KLF12: variants seen among roughly 807,000 people sequenced by gnomAD.
KLF12 encodes the protein Krueppel-like factor 12.
In KLF12, 9 loss-of-function variants were observed where a neutral mutation model predicts 37.8. That is an observed-to-expected ratio of 0.24 (90% CI 0.14 to 0.42). The LOEUF is 0.42. Among genes scored for constraint, KLF12 ranks in the 10% least tolerant of loss-of-function variants. The pLI is 1.00. For synonymous variants in KLF12, 208 were observed against 202.1 expected, an observed-to-expected ratio of 1.03 and a Z score of -0.25; for missense variants, 411 against 516.0, an observed-to-expected ratio of 0.80 and a Z score of 1.97.
chr13:74,206,543 C>A, the KLF12 span, among the ~76,000 whole-genome samples: 1 of 152,084 alleles, frequency 6.6e-6, no homozygotes, highest in Admixed American at 6.6e-5. Flanking sequence ...CCATCCACCC[C>A]CAGGAAATTG....
At chr13:74,238,701 C>A in the KLF12 span, among the ~76,000 whole-genome samples, 3 of 150,632 alleles carry the variant, frequency 2.0e-5, no homozygotes, top group Admixed American at 1.3e-4. Flanking sequence ...TTATCCATTT[C>A]TTCTAGATTT....
At chr13:74,135,929 C>T (rs1878540253), upstream of KLF12, among the ~76,000 whole-genome samples, 2 of 152,152 alleles carry the variant, frequency 1.3e-5, no homozygotes, top group South Asian at 2.1e-4. Context: ...ACTTCAGGCG[C>T]GGTGTGCGTT....
At chr13:74,062,508 C>T (rs1436141089) in intron 1 of KLF12, among the ~76,000 whole-genome samples, 2 of 151,384 alleles carry the variant, frequency 1.3e-5, no homozygotes, top group Admixed American at 6.6e-5. Flanking sequence ...CATAGTCAGA[C>T]AATTAAAATG....
At chr13:73,853,491 C>T (rs1033021865) in intron 3 of KLF12, among the ~76,000 whole-genome samples, 1 of 152,086 alleles carries the variant, frequency 6.6e-6, no homozygotes, top group African/African-American at 2.4e-5. Context: ...ACCTGTAATC[C>T]TAGCCAAGGC....
intron 3 of KLF12, among the ~76,000 whole-genome samples, chr13:73,936,149 T>G (rs988926146): frequency 1.3e-5 from 2 of 152,338 alleles, no homozygotes; most frequent in African/African-American, 4.8e-5. Flanking sequence ...TTCCTGCTTC[T>G]TTGTACATCT....
intron 7 of KLF12, among the ~76,000 whole-genome samples, chr13:73,709,689 G>A (rs893250638): frequency 6.6e-6 from 1 of 152,140 alleles, no homozygotes; most frequent in African/African-American, 2.4e-5. Flanking sequence ...CTATCTCTCT[G>A]CTAAGTGGAT....
intron 1 of KLF12, among the ~76,000 whole-genome samples, chr13:74,023,358 T>C (rs1294902656): frequency 1.3e-5 from 2 of 152,236 alleles, no homozygotes; most frequent in African/African-American, 4.8e-5. Flanking sequence ...CTCTACTTAT[T>C]GGCAGGTGTA....
At chr13:74,283,665 C>T in the KLF12 span, among the ~76,000 whole-genome samples, 2,539 of 152,242 alleles carry the variant, frequency 0.017, 68 homozygotes, top group African/African-American at 0.055. Flanking sequence ...ACTTTCAGTA[C>T]TCTCAGCCCT....
intron 3 of KLF12, among the ~76,000 whole-genome samples, chr13:73,937,059 A>G (rs1304893806): frequency 2.0e-5 from 3 of 152,138 alleles, no homozygotes; most frequent in Admixed American, 2.0e-4. Context: ...GCATGGTGGC[A>G]TGTACTTATA....
At chr13:74,083,609 A>C (rs1159506050) in intron 1 of KLF12, among the ~76,000 whole-genome samples, 1 of 152,100 alleles carries the variant, frequency 6.6e-6, no homozygotes, top group East Asian at 1.9e-4. Flanking sequence ...TCCAAGTCTA[A>C]GATGTGTTTA....
intron 1 of KLF12, among the ~76,000 whole-genome samples, chr13:74,125,227 T>C (rs1353124826): frequency 6.6e-6 from 1 of 151,710 alleles, no homozygotes; most frequent in African/African-American, 2.4e-5. Context: ...TATAAAAAGA[T>C]ACACATACAC....
intron 1 of KLF12, among the ~76,000 whole-genome samples, chr13:74,036,814 T>G (rs1184488729): frequency 6.6e-6 from 1 of 152,162 alleles, no homozygotes; most frequent in Non-Finnish European, 1.5e-5. Flanking sequence ...TGCCTTCTGT[T>G]TTATGCCAAC....
At chr13:73,716,400 C>T (rs190829731) in intron 6 of KLF12, among the ~76,000 whole-genome samples, 32 of 152,266 alleles carry the variant, frequency 2.1e-4, no homozygotes, top group Admixed American at 6.5e-4. Flanking sequence ...ACTCATATTT[C>T]TACTCTACAA....
At chr13:74,083,535 C>T (rs892460984) in intron 1 of KLF12, among the ~76,000 whole-genome samples, 1 of 143,328 alleles carries the variant, frequency 7.0e-6, no homozygotes, top group African/African-American at 2.5e-5. Context: ...CACACACACA[C>T]ACACAAACAT....
chr13:73,951,201 C>G (rs918828069), intron 2 of KLF12, among the ~76,000 whole-genome samples: 2 of 152,184 alleles, frequency 1.3e-5, no homozygotes, highest in African/African-American at 4.8e-5. Context: ...ATGTGCTTTA[C>G]ATTCATTGCA....
intron 1 of KLF12, among the ~76,000 whole-genome samples, chr13:74,129,633 A>C (rs1878151286): frequency 6.6e-6 from 1 of 152,156 alleles, no homozygotes; most frequent in Non-Finnish European, 1.5e-5. Context: ...ACTAATAAAT[A>C]TTCAAAAATG....
the KLF12 span, among the ~76,000 whole-genome samples, chr13:74,202,831 C>T: frequency 1.3e-5 from 2 of 152,130 alleles, no homozygotes; most frequent in Non-Finnish European, 2.9e-5. Flanking sequence ...TGCTCTGAAC[C>T]ATTGAGTGGT....
chr13:74,282,345 G>T, the KLF12 span, among the ~76,000 whole-genome samples: 2 of 152,188 alleles, frequency 1.3e-5, no homozygotes, highest in African/African-American at 4.8e-5. Flanking sequence ...TTGCTTGCAA[G>T]ACTTTTAAAT....
chr13:74,170,314 C>G, the KLF12 span, among the ~76,000 whole-genome samples: 1 of 152,162 alleles, frequency 6.6e-6, no homozygotes, highest in Non-Finnish European at 1.5e-5. Flanking sequence ...ATTTACATAT[C>G]ACTATTATTA....
Sources: allele counts gnomAD v4.1 joint callset (sites outside exome capture counted in the v4.1 genomes callset), GRCh38; gene constraint gnomAD v4.1.1; transcripts MANE v1.5; gene names NCBI Gene and HGNC (gene_info 2026-07-23, HGNC 2026-07-21).